The following TANC2 variants were observed in gnomAD, a reference collection of about 807,000 sequenced individuals.
The protein encoded by TANC2 is tetratricopeptide repeat, ankyrin repeat and coiled-coil containing 2, also known as protein TANC2.
Under a neutral mutation model 210.5 loss-of-function variants are expected in TANC2, and 26 were observed. The observed-to-expected ratio is 0.12, with a 90% CI of 0.09 to 0.17. TANC2 has a LOEUF of 0.17. TANC2 is among the 10% of genes least tolerant of loss of function. TANC2 has a pLI of 1.00. For missense variants in TANC2, 2,129 were observed against 2,608.9 expected (o/e 0.82, Z 4.01); for synonymous variants, 931 against 967.1 (o/e 0.96, Z 0.69).
intron 2 of TANC2, among the ~76,000 whole-genome samples, chr17:63,032,158 CTACCA>C (rs2034796633): frequency 6.6e-6 from 1 of 152,124 alleles, no homozygotes; most frequent in African/African-American, 2.4e-5. Context: ...TAGAACATAG[CTACCA>C]ACAACTGAGT....
At chr17:63,367,880 C>CT (rs2146991720) in intron 14 of TANC2, among the ~76,000 whole-genome samples, 1 of 152,296 alleles carries the variant, frequency 6.6e-6, no homozygotes, top group African/African-American at 2.4e-5. Context: ...CAGGGAGCCT[C>CT]TGTAGCCTTT....
intron 4 of TANC2, among the ~76,000 whole-genome samples, chr17:63,139,310 G>A (rs556410326): frequency 6.6e-6 from 1 of 152,194 alleles, no homozygotes; most frequent in East Asian, 1.9e-4. Flanking sequence ...AGAAAATGGA[G>A]AATTAAGTCA....
chr17:63,170,522 C>T (rs1172479544), intron 5 of TANC2, among the ~76,000 whole-genome samples: 2 of 151,780 alleles, frequency 1.3e-5, no homozygotes, highest in Non-Finnish European at 2.9e-5. Flanking sequence ...CTGAAAAGTC[C>T]CTGCCATTAT....
chr17:63,299,738 T>C (rs572283926), intron 9 of TANC2, among the ~76,000 whole-genome samples: 1 of 152,194 alleles, frequency 6.6e-6, no homozygotes, highest in East Asian at 1.9e-4. Flanking sequence ...AGATTGCCTG[T>C]TCACTCTGAT....
At chr17:63,012,309 C>T (rs2033910700) in intron 2 of TANC2, among the ~76,000 whole-genome samples, 2 of 152,082 alleles carry the variant, frequency 1.3e-5, no homozygotes, top group South Asian at 2.1e-4. Flanking sequence ...GTGTGAGCCA[C>T]CATGCCTGGA....
intron 3 of TANC2, among the ~76,000 whole-genome samples, chr17:63,095,881 A>T (rs1407264562): frequency 6.6e-6 from 1 of 152,194 alleles, no homozygotes; most frequent in Non-Finnish European, 1.5e-5. Flanking sequence ...TTTTAAGCAG[A>T]AAAGTAAAGT....
In TANC2 at chr17:63,411,683, G is replaced by A. The variant is rs192524599; in HGVS notation, c.3762G>A (p.Glu1254=). 1.7e-4 allele frequency: 277 copies of A among 1,610,898 alleles called. 1 individual carries two copies. In the African/African-American group the frequency reaches 3.3e-3, roughly 19 times the overall value. ...TGGCAGCTTTCTATGGCGATGCTGAGGTGGTAAGTACCTTTAAACAAGCCT... is the reference window on the plus strand; with the variant it reads ...TGGCAGCTTTCTATGGCGATGCTGAAGTGGTAAGTACCTTTAAACAAGCCT... Residue 1254 remains glutamate (E), a synonymous_variant, in exon 22 of 28, where the codon GAG becomes GAA. Transcript: ENST00000689528.
rs2033055737 is a variant in TANC2, at chr17:62,995,297, G to GAC, written c.-23-14238_-23-14237dup. Reference sequence around the variant, plus strand: ...GTTGGTTTGGAGTGGACGAACAAGGGACATAGTAATTCTTAGCTCATAATG... The same window carrying GAC: ...GTTGGTTTGGAGTGGACGAACAAGGGACACATAGTAATTCTTAGCTCATAATG... On this transcript the variant is annotated intron_variant, in intron 1 of 27. Transcript: ENST00000689528. 2.0e-5 allele frequency among the ~76,000 whole-genome samples: 3 copies of GAC among 152,332 alleles called. No individual in the cohort carries two copies. In the South Asian group the frequency reaches 6.2e-4, roughly 32 times the overall value.
At chr17:63,407,243 T>C (rs183557110) in intron 21 of TANC2, among the ~76,000 whole-genome samples, 3 of 152,226 alleles carry the variant, frequency 2.0e-5, no homozygotes, top group East Asian at 3.9e-4. Flanking sequence ...AATCAGAGAG[T>C]TGCTCTTACA....
intron 5 of TANC2, among the ~76,000 whole-genome samples, chr17:63,175,597 A>G (rs1384976604): frequency 1.3e-5 from 2 of 151,420 alleles, no homozygotes; most frequent in Non-Finnish European, 2.9e-5. Flanking sequence ...AATCTTTGCA[A>G]CCTTGGGGCA....
rs113390304 is a variant in TANC2, at chr17:63,202,868, G to A, written c.769+1911G>A. On this transcript the variant is annotated intron_variant, in intron 7 of 27. Transcript: ENST00000689528. The stretch of plus-strand genomic sequence containing the variant: ...GAATATTATATGTTGTTTTTTGTGT[G>A]TGTTTGTGATTTTAATTTATAAAGT... 8.6e-3 allele frequency among the ~76,000 whole-genome samples: 1,302 copies of A among 152,050 alleles called. 16 individuals are homozygous for A. The highest frequency in any genetic ancestry group is 0.029 in the African/African-American group (1,194 of 41,474).
At chr17:63,397,409 C>T (rs767911331) in intron 18 of TANC2, among the ~76,000 whole-genome samples, 9 of 152,152 alleles carry the variant, frequency 5.9e-5, no homozygotes, top group Non-Finnish European at 1.2e-4. Context: ...TAACTTATAA[C>T]GAAAGTTTGA....
chr17:63,188,095 C>G (rs1747457678), intron 5 of TANC2, among the ~76,000 whole-genome samples: 1 of 152,044 alleles, frequency 6.6e-6, no homozygotes, highest in Non-Finnish European at 1.5e-5. Context: ...CATGGAAATT[C>G]ACAGAACTAT....
At chr17:63,217,042 A>G (rs2042044895) in intron 7 of TANC2, among the ~76,000 whole-genome samples, 1 of 152,248 alleles carries the variant, frequency 6.6e-6, no homozygotes, top group African/African-American at 2.4e-5. Flanking sequence ...AAAACAAAAC[A>G]TATCAAAATT....
At chr17:63,353,875 A>G (rs1377114849) in intron 13 of TANC2, among the ~76,000 whole-genome samples, 1 of 152,134 alleles carries the variant, frequency 6.6e-6, no homozygotes, top group African/African-American at 2.4e-5. Context: ...TGGCAAAGTG[A>G]AAGTTACTGA....
At chr17:63,355,500 G>C in intron 14 of TANC2, 110 bp downstream of exon 14, 1 of 1,200,266 alleles carries the variant, frequency 8.3e-7, no homozygotes, top group Non-Finnish European at 1.1e-6. Context: ...ACATAGAAGA[G>C]ACATCATCTG....
intron 4 of TANC2, among the ~76,000 whole-genome samples, chr17:63,100,843 T>C (rs1362238913): frequency 6.6e-6 from 1 of 152,176 alleles, no homozygotes; most frequent in Non-Finnish European, 1.5e-5. Flanking sequence ...ATACCTAATA[T>C]CACAGAGGTA....
In TANC2 at chr17:63,113,037, A is replaced by G. The variant is rs536778599; in HGVS notation, c.322+13680A>G. Among the ~76,000 whole-genome samples the G allele has an allele frequency of 6.6e-5, 10 of 152,340 alleles. No individual in the cohort carries two copies. In the South Asian group the frequency reaches 2.1e-3, roughly 32 times the overall value. On this transcript the variant is annotated intron_variant, in intron 4 of 27. Transcript: ENST00000689528. The stretch of plus-strand genomic sequence containing the variant: ...TGCTATGGAATGTGAGCAGTTTAGA[A>G]AGTGGCAAATGTGGAATTTAAGGGC...
chr17:63,015,398 A>G (rs891512781), intron 2 of TANC2, among the ~76,000 whole-genome samples: 4 of 152,072 alleles, frequency 2.6e-5, no homozygotes, highest in Non-Finnish European at 5.9e-5. Context: ...TGCACGCGCC[A>G]TGTTGCTGTG....
Sources: gnomAD v4.1 joint callset for allele counts (sites outside exome capture counted in the v4.1 genomes callset) on GRCh38, gnomAD v4.1.1 for gene constraint, MANE v1.5 for transcripts, NCBI Gene and HGNC (gene_info 2026-07-23, HGNC 2026-07-21) for gene names.